Variants in NCOA6 observed in about 807,000 individuals in gnomAD.
NCOA6 encodes the protein nuclear receptor coactivator 6.
In NCOA6, 49 loss-of-function variants were observed where a neutral mutation model predicts 171.4. The observed-to-expected ratio is 0.29, with a 90% CI of 0.23 to 0.36. The LOEUF (loss-of-function observed/expected upper bound fraction) is 0.36, where lower values mean the gene tolerates loss of function less well. NCOA6 is among the 10% of genes least tolerant of loss of function. NCOA6 has a pLI of 1.00. For synonymous variants in NCOA6, 910 were observed against 927.5 expected (o/e 0.98, Z 0.34); for missense variants, 2,248 against 2,554.5 (o/e 0.88, Z 2.59).
chr20:34,732,689 T>C (rs750065265), intron 12 of NCOA6, 94 bp from the exon 13 acceptor site: 1 of 1,055,142 alleles, frequency 9.5e-7, no homozygotes, highest in South Asian at 1.4e-5. Context: ...CTATTTAGGC[T>C]AAAGTGTCCC....
Position 34,787,952 on chromosome 20 carries a change from C to T in NCOA6, c.-50+4498G>A, listed in dbSNP as rs192504563. ...TGTGATCTCAGCTCACAGCAACCGCCGCCTTCCAGGTTCAAGCAATTTTCC... is the reference window on the plus strand; with the variant it reads ...TGTGATCTCAGCTCACAGCAACCGCTGCCTTCCAGGTTCAAGCAATTTTCC... On this transcript the variant is annotated intron_variant, in intron 2 of 14. Coordinates refer to ENST00000359003, the MANE Select transcript of NCOA6 (RefSeq NM_014071.5). Among the ~76,000 whole-genome samples the T allele has an allele frequency of 1.4e-4, 21 of 151,698 alleles. No homozygotes were observed. The East Asian group carries it at 2.9e-3, about 21-fold the overall frequency.
At chr20:34,748,575 T>G (rs2076374314) in intron 9 of NCOA6, among the ~76,000 whole-genome samples, 1 of 152,218 alleles carries the variant, frequency 6.6e-6, no homozygotes, top group Non-Finnish European at 1.5e-5. Flanking sequence ...AAAATATAGC[T>G]CAGTGAATAT....
chr20:34,770,978 A>T (rs1414351045), intron 4 of NCOA6, among the ~76,000 whole-genome samples: 1 of 152,182 alleles, frequency 6.6e-6, no homozygotes, highest in Non-Finnish European at 1.5e-5. Flanking sequence ...CTACCTAGCC[A>T]AGTGTTGTTC....
rs745614589 is a variant in NCOA6 at position 34,754,831 on chromosome 20, T to C, written c.1566A>G (p.Gly522=). The change falls in exon 8 of 15, where the codon GGA becomes GGG. Residue 522 remains glycine, a synonymous_variant. Transcript: ENST00000359003. ...PKRLPPGFSA[G]QANPNFMQGQ... is the part of the protein sequence containing the mutation. ...CTTGCATAAAGTTCGGATTGGCCTG[T>C]CCTGCTGAGAAGCCAGGTGGGAGGC... is the stretch of plus-strand genomic sequence containing the variant. 4 of 1,614,202 alleles carry C rather than the reference T, an allele frequency of 2.5e-6. No homozygotes were observed.
chr20:34,720,289 G>A (rs932626143), intron 14 of NCOA6, among the ~76,000 whole-genome samples: 33 of 152,208 alleles, frequency 2.2e-4, no homozygotes, highest in African/African-American at 8.0e-4. Context: ...CAACACATCT[G>A]ATCAGGTGCA....
chr20:34,800,103 G>A (rs562447034), intron 1 of NCOA6, among the ~76,000 whole-genome samples: 1 of 152,240 alleles, frequency 6.6e-6, no homozygotes, highest in South Asian at 2.1e-4. Flanking sequence ...AACAAAGTTA[G>A]TATGTAGAGT....
rs1295215624 is a variant in NCOA6, at chr20:34,757,503, T to G, written c.1245A>C (p.Pro415=). The G allele has an allele frequency of 3.1e-6, 5 of 1,613,822 alleles. No individual in the cohort carries two copies. The East Asian group carries it at 1.1e-4, about 36-fold the overall frequency. ...KSLQGGPSRV[P]TPLQQPHLTN... is the part of the protein sequence containing the mutation. The stretch of plus-strand genomic sequence containing the variant: ...TGAGGTGGGGCTGCTGCAAGGGAGT[T>G]GGGACCCTAGAGGGCCCTCCCTGCA... Residue 415 remains proline, a synonymous_variant, in exon 7 of 15, where the codon CCA becomes CCC. Transcript: ENST00000359003.
At chr20:34,724,919 G>C (rs1317703047) in intron 14 of NCOA6, among the ~76,000 whole-genome samples, 2 of 151,716 alleles carry the variant, frequency 1.3e-5, no homozygotes, top group African/African-American at 4.9e-5. Flanking sequence ...CTCCTGAATA[G>C]CTGGGATTAC....
chr20:34,763,299 T>A (rs2076872937), intron 5 of NCOA6, among the ~76,000 whole-genome samples: 2 of 152,300 alleles, frequency 1.3e-5, no homozygotes, highest in South Asian at 4.1e-4. Context: ...CATATTTCCA[T>A]CTCTTTTTCT....
chr20:34,805,153 C>T (rs2078405051), intron 1 of NCOA6, among the ~76,000 whole-genome samples: 1 of 151,882 alleles, frequency 6.6e-6, no homozygotes, highest in Non-Finnish European at 1.5e-5. Flanking sequence ...ATTCTTGTGC[C>T]TCAGTCTCCC....
At position 34,732,594 on chromosome 20, in the gene NCOA6, C is replaced by G. The variant is rs1427765401; in HGVS notation, c.5964G>C (p.Glu1988Asp). 1 of 1,613,176 alleles carries G rather than the reference C, an allele frequency of 6.2e-7. No individual in the cohort carries two copies. The highest frequency in any genetic ancestry group is 1.7e-5 in the Admixed American group (1 of 59,978). ...AGACTATGGCAGCATTTACCTCCAG[C>G]TCTGCAAAAAAATATAAAGGATAGA... ...TALQASVARP[E>D]LEVNAAIVSG... Residue 1988 changes from glutamate (E) to aspartate (D), a missense_variant and splice_region_variant, in exon 13 of 15, where the codon GAG (glutamate) becomes GAC (aspartate). Around this residue, in one of 7 missense-constraint regions of NCOA6, gnomAD observed 884 missense variants for 941.9 expected, o/e 0.94. Coordinates refer to ENST00000359003, the MANE Select transcript of NCOA6 (RefSeq NM_014071.5).
intron 1 of NCOA6, among the ~76,000 whole-genome samples, chr20:34,818,359 AAAAACAAAAC>A (rs755898577): frequency 6.6e-6 from 1 of 152,152 alleles, no homozygotes; most frequent in Non-Finnish European, 1.5e-5. Context: ...GGTTCTATTT[AAAAACAAAAC>A]AAAACAAAAC....
chr20:34,807,823 C>T (rs1394926038), intron 1 of NCOA6, among the ~76,000 whole-genome samples: 2 of 148,958 alleles, frequency 1.3e-5, no homozygotes, highest in Admixed American at 6.7e-5. Context: ...CCGTGCCCGG[C>T]CTTTTTTTTT....
chr20:34,793,020 C>T (rs987095368), intron 1 of NCOA6, among the ~76,000 whole-genome samples: 1 of 151,812 alleles, frequency 6.6e-6, no homozygotes, highest in Admixed American at 6.6e-5. Flanking sequence ...TGGGCTCAAG[C>T]GATCCACCCG....
chr20:34,742,069 A>C lies in NCOA6; in HGVS notation c.4187T>G (p.Leu1396Arg). ...VPGSFPNNSG[L>R]NPQNSTVSVA... Reference sequence around the variant, plus strand: ...AGACACAGTAGAATTCTGAGGATTCAGCCCACTGTTGTTAGGAAAGCTCCC... The same window carrying C: ...AGACACAGTAGAATTCTGAGGATTCCGCCCACTGTTGTTAGGAAAGCTCCC... The change falls in exon 11 of 15, where the codon CTG becomes CGG. Residue 1396 changes from leucine (L) to arginine (R), a missense_variant. Leu to Arg is a moderately radical substitution (Grantham distance 102). Around this residue, in one of 7 missense-constraint regions of NCOA6, gnomAD observed 884 missense variants for 941.9 expected, o/e 0.94. Transcript: ENST00000359003. The C allele has an allele frequency of 6.2e-7, 1 of 1,614,214 alleles. No homozygotes were observed. The highest frequency in any genetic ancestry group is 8.5e-7 in the Non-Finnish European group (1 of 1,180,038).
At chr20:34,808,596 G>A (rs1252377518) in intron 1 of NCOA6, among the ~76,000 whole-genome samples, 2 of 151,924 alleles carry the variant, frequency 1.3e-5, no homozygotes, top group Admixed American at 6.6e-5. Context: ...GAACCACCAC[G>A]CCTGGCTAAT....
At chr20:34,783,891 T>C (rs2077585584) in intron 2 of NCOA6, among the ~76,000 whole-genome samples, 1 of 152,204 alleles carries the variant, frequency 6.6e-6, no homozygotes, top group Non-Finnish European at 1.5e-5. Context: ...CCCAAAGTGC[T>C]AGAATTACAG....
At chr20:34,791,182 G>A (rs115764710) in intron 2 of NCOA6, among the ~76,000 whole-genome samples, 6 of 152,268 alleles carry the variant, frequency 3.9e-5, no homozygotes, top group Admixed American at 2.0e-4. Context: ...TTTATGTTAC[G>A]TGCATTTCAA....
At chr20:34,813,965 G>A (rs892664624) in intron 1 of NCOA6, among the ~76,000 whole-genome samples, 1 of 151,968 alleles carries the variant, frequency 6.6e-6, no homozygotes, top group Non-Finnish European at 1.5e-5. Flanking sequence ...AATCATTTTA[G>A]GGAATATATT....
Sources: allele counts gnomAD v4.1 joint callset (sites outside exome capture counted in the v4.1 genomes callset), GRCh38; gene constraint gnomAD v4.1.1; regional missense constraint gnomAD v4.1.1; transcripts MANE v1.5; gene names NCBI Gene and HGNC (gene_info 2026-07-23, HGNC 2026-07-21).